Variants in OXNAD1 observed in about 807,000 individuals in gnomAD.
The protein encoded by OXNAD1 is oxidoreductase NAD-binding domain-containing protein 1.
A neutral mutation model predicts 32.9 loss-of-function variants in OXNAD1; 34 were observed. The observed-to-expected ratio is 1.03, with a 90% CI of 0.79 to 1.38. The LOEUF (loss-of-function observed/expected upper bound fraction) is 1.38, where lower values mean the gene tolerates loss of function less well. OXNAD1 is among the 40% of genes most tolerant of loss of function. The pLI is 0.00. For synonymous variants in OXNAD1, 134 were observed against 135.2 expected (o/e 0.99, Z 0.06); for missense variants, 407 against 379.4 (o/e 1.07, Z -0.60).
At chr3:16,315,578 T>C (rs570264386) in intron 9 of OXNAD1, 27 of 152,364 alleles carry the variant, frequency 1.8e-4, no homozygotes, top group Non-Finnish European at 2.8e-4. Flanking sequence ...AAAAGGTATT[T>C]GTCTCCACCA....
chr3:16,270,273 G>C (rs771056253), intron 2 of OXNAD1, among the ~76,000 whole-genome samples: 7 of 152,182 alleles, frequency 4.6e-5, no homozygotes, highest in African/African-American at 9.7e-5. Flanking sequence ...TAGAATAAAA[G>C]AATATCTGTT....
At chr3:16,278,383 G>A (rs2065498036) in intron 4 of OXNAD1, among the ~76,000 whole-genome samples, 1 of 152,094 alleles carries the variant, frequency 6.6e-6, no homozygotes, top group African/African-American at 2.4e-5. Flanking sequence ...CAACAGATTG[G>A]TACTTGATTC....
intron 1 of OXNAD1, among the ~76,000 whole-genome samples, chr3:16,266,686 C>T (rs1299796357): frequency 6.6e-6 from 1 of 151,418 alleles, no homozygotes; most frequent in Non-Finnish European, 1.5e-5. Flanking sequence ...GTATATCAGG[C>T]CAGAAGGAGT....
At chr3:16,310,146 C>T (rs1364426412), downstream of OXNAD1, among the ~76,000 whole-genome samples, 4 of 152,184 alleles carry the variant, frequency 2.6e-5, no homozygotes, top group East Asian at 7.7e-4. Flanking sequence ...CCCATTGGGG[C>T]TTAAGGTGTA....
intron 4 of OXNAD1, among the ~76,000 whole-genome samples, chr3:16,281,587 A>C (rs781187462): frequency 6.6e-5 from 10 of 152,230 alleles, no homozygotes; most frequent in Non-Finnish European, 1.3e-4. Context: ...CTGTCATACC[A>C]ATAATTGGTC....
chr3:16,269,412 A>T (rs1278645073), intron 2 of OXNAD1, 137 bp downstream of exon 2: 1 of 850,574 alleles, frequency 1.2e-6, no homozygotes, highest in African/African-American at 1.7e-5. Flanking sequence ...AAAGAGAAAA[A>T]TAGCAAGTAG....
intron 4 of OXNAD1, among the ~76,000 whole-genome samples, chr3:16,282,653 G>A (rs184735650): frequency 1.3e-5 from 2 of 152,154 alleles, no homozygotes; most frequent in Admixed American, 6.6e-5. Flanking sequence ...AAGGTTGGTA[G>A]AACTGAGAGA....
At chr3:16,278,615 T>C (rs1394575948) in intron 4 of OXNAD1, among the ~76,000 whole-genome samples, 1 of 152,266 alleles carries the variant, frequency 6.6e-6, no homozygotes, top group Non-Finnish European at 1.5e-5. Flanking sequence ...TTAAAGGACT[T>C]GTTCAAGGGA....
chr3:16,294,715 A>T (rs2066653618), intron 5 of OXNAD1, 141 bp from the exon 6 acceptor site: 1 of 789,196 alleles, frequency 1.3e-6, no homozygotes, highest in African/African-American at 1.8e-5. Context: ...TATTTCTATA[A>T]GCTTTGTGAT....
Position 16,271,748 on chromosome 3 carries a change from T to G in OXNAD1, c.183+26T>G. ...GTTTGTATCTTTGGGGTATGACAGG[T>G]TTTTCCAGCTAGACCGTTTACATGT... is the stretch of plus-strand genomic sequence containing the variant. On this transcript the variant is annotated intron_variant, in intron 4 of 8. Transcript: ENST00000285083. This position sits in a 1 kb window ranked among gnomAD's most constrained non-coding sequence, Gnocchi z 4.6. 6.3e-7 allele frequency: 1 copy of G among 1,591,414 alleles called. No homozygotes were observed.
rs527415028 is a variant in OXNAD1 at position 16,345,376 on chromosome 3, T to G, written c.*31-3800T>G. On this transcript the variant is annotated intron_variant, in intron 9 of 9. Coordinates refer to the OXNAD1 transcript ENST00000606098. The surrounding 1 kb of genome is among the most constrained non-coding windows in gnomAD (Gnocchi z 5.2). ...GGAAAACCTAAAGATATAGCCCCTG[T>G]TATCACATTGAGCCCTTAACTTGCC... The G allele has an allele frequency of 6.6e-6, 1 of 152,082 alleles. No individual in the cohort carries two copies. Among genetic ancestry groups the G allele is most frequent in the Non-Finnish European group, 1.5e-5 (1 of 67,994 alleles). The allele number at this position is 152,082 out of a possible 1,614,324, so 9.4% of individuals were successfully genotyped here.
chr3:16,343,827 G>A (rs1346905077), intron 9 of OXNAD1, among the ~76,000 whole-genome samples: 2 of 152,204 alleles, frequency 1.3e-5, no homozygotes, highest in Non-Finnish European at 2.9e-5. Context: ...GATAACTTCA[G>A]TAATTCCTAG....
intron 2 of OXNAD1, among the ~76,000 whole-genome samples, chr3:16,270,226 A>G (rs979686825): frequency 6.6e-6 from 1 of 152,256 alleles, no homozygotes; most frequent in Non-Finnish European, 1.5e-5. Context: ...TTCTGACATC[A>G]TGGATTCATT....
Position 16,336,630 on chromosome 3 carries a change from C to T in OXNAD1, c.*31-482C>T. On this transcript the variant is annotated intron_variant, in intron 9 of 9. Coordinates refer to the OXNAD1 transcript ENST00000435829. This position sits in a 1 kb window ranked among gnomAD's most constrained non-coding sequence, Gnocchi z 6.0. The stretch of plus-strand genomic sequence containing the variant: ...GAGAGAGCAGTCTTCTCATTTTAGA[C>T]AACTTAGGCTTTCATAATGTTCAAA... 6.6e-6 allele frequency among the ~76,000 whole-genome samples: 1 copy of T among 152,106 alleles called. No individual in the cohort carries two copies. The highest frequency in any genetic ancestry group is 1.9e-4 in the East Asian group (1 of 5,182).
rs1421368691 is a variant in OXNAD1 at position 16,327,270 on chromosome 3, G to C, written c.*31-9842G>C. ...ATGAGTTCAGAGCGTGTTGTGGGGA[G>C]TTAACTTACATTTGACAAATGATCA... On this transcript the variant is annotated intron_variant, in intron 9 of 9. Coordinates refer to the OXNAD1 transcript ENST00000435829. The surrounding 1 kb of genome is among the most constrained non-coding windows in gnomAD (Gnocchi z 4.2). 6.6e-6 allele frequency among the ~76,000 whole-genome samples: 1 copy of C among 152,180 alleles called. No homozygotes were observed. The highest frequency in any genetic ancestry group is 2.4e-5 in the African/African-American group (1 of 41,448).
intron 4 of OXNAD1, among the ~76,000 whole-genome samples, chr3:16,283,010 G>A (rs945092259): frequency 5.9e-5 from 9 of 151,946 alleles, no homozygotes; most frequent in African/African-American, 1.5e-4. Flanking sequence ...TAGGGTGATG[G>A]CAAGTAGGCA....
At position 16,290,700 on chromosome 3, in the gene OXNAD1, A is replaced by G. The variant is rs1024751457; in HGVS notation, c.291-4156A>G. Among the ~76,000 whole-genome samples, 1 of 152,232 alleles carries G rather than the reference A, an allele frequency of 6.6e-6. No individual in the cohort carries two copies. The highest frequency in any genetic ancestry group is 1.9e-4 in the East Asian group (1 of 5,202). On this transcript the variant is annotated intron_variant, in intron 5 of 8. Transcript: ENST00000285083. The surrounding 1 kb of genome is among the most constrained non-coding windows in gnomAD (Gnocchi z 4.2). ...GTTAAAGTACTCATGGAAAAGAGTC[A>G]AGTGAAAATAGGTTAAAGTTGGCCA...
downstream of OXNAD1, among the ~76,000 whole-genome samples, chr3:16,310,309 A>G (rs1432642888): frequency 1.3e-5 from 2 of 151,648 alleles, no homozygotes; most frequent in African/African-American, 4.8e-5. Flanking sequence ...TTTTTTTTTC[A>G]TTGAACAATC....
At position 16,320,232 on chromosome 3, in the gene OXNAD1, G is replaced by A. The variant is rs1406780999; in HGVS notation, c.*30+16640G>A. On this transcript the variant is annotated intron_variant, in intron 9 of 9. Transcript: ENST00000435829. This position sits in a 1 kb window ranked among gnomAD's most constrained non-coding sequence, Gnocchi z 4.5. ...GAAATCACCTACTCCCTTTGAAGAA[G>A]TTTAATATTTGCCTTGAAAATCACA... is the stretch of plus-strand genomic sequence containing the variant. Among the ~76,000 whole-genome samples the A allele has an allele frequency of 6.6e-6, 1 of 152,196 alleles. No individual in the cohort carries two copies. The highest frequency in any genetic ancestry group is 1.5e-5 in the Non-Finnish European group (1 of 68,040).
Sources: allele counts gnomAD v4.1 joint callset (sites outside exome capture counted in the v4.1 genomes callset), GRCh38; gene constraint gnomAD v4.1.1; non-coding constraint Gnocchi (gnomAD v3.1); transcripts MANE v1.5; gene names NCBI Gene and HGNC (gene_info 2026-07-23, HGNC 2026-07-21).